Variants in NDRG2 observed in about 807,000 individuals in gnomAD.
The protein encoded by NDRG2 is NDRG family member 2.
NDRG2 carries 34 observed loss-of-function variants against 58.2 expected under a neutral mutation model. The ratio of observed to expected loss-of-function variants is 0.58; its 90% CI spans 0.44 to 0.78. The LOEUF is 0.78. Among genes scored for constraint, NDRG2 ranks in the 30% least tolerant of loss-of-function variants. The pLI is 0.00. For synonymous variants in NDRG2, 187 were observed against 175.9 expected, an observed-to-expected ratio of 1.06 and a Z score of -0.50; for missense variants, 434 against 471.2, an observed-to-expected ratio of 0.92 and a Z score of 0.73.
chr14:21,025,731 T>G (rs903664465), upstream of NDRG2: 12 of 983,602 alleles, frequency 1.2e-5, 1 homozygote, highest in South Asian at 3.8e-4. This position sits in a 1 kb window ranked among gnomAD's most constrained non-coding sequence, Gnocchi z 5.1. Flanking sequence ...CCGGGAGAAG[T>G]TGGACAACAA....
At chr14:21,025,231 G>A (rs1883287049), upstream of NDRG2, 2 of 850,930 alleles carry the variant, frequency 2.4e-6, no homozygotes, top group Non-Finnish European at 2.8e-6. This position sits in a 1 kb window ranked among gnomAD's most constrained non-coding sequence, Gnocchi z 5.1. Context: ...TTGTGCTGGG[G>A]CCGGGGGGCG....
rs1886563544 is a variant in NDRG2, at chr14:21,070,081, G to A, written c.24+747C>T. ...GGAGGGCGGGGCGGAGAAGAAAGAA[G>A]GTTGCCGGTGAACGGGACGGATAGG... On this transcript the variant is annotated intron_variant, in intron 1 of 14. Coordinates refer to the NDRG2 transcript ENST00000403829. The surrounding 1 kb of genome is among the most constrained non-coding windows in gnomAD (Gnocchi z 4.7). Among the ~76,000 whole-genome samples, 1 of 152,078 alleles carries A rather than the reference G, an allele frequency of 6.6e-6. No homozygotes were observed. The highest frequency in any genetic ancestry group is 2.4e-5 in the African/African-American group (1 of 41,420).
At chr14:21,029,057 G>A (rs1191203670), upstream of NDRG2, 2 of 152,310 alleles carry the variant, frequency 1.3e-5, no homozygotes, top group Middle Eastern at 3.4e-3. Flanking sequence ...TTCAGAATCT[G>A]AGCCTCACCC....
intron 1 of NDRG2, chr14:21,043,533 A>T: frequency 9.8e-7 from 1 of 1,023,238 alleles, no homozygotes; most frequent in Non-Finnish European, 1.5e-6. Context: ...ACTCCCCTAC[A>T]CCCAGAGCAT....
In NDRG2 at chr14:21,023,245, G is replaced by GC; in HGVS notation, c.70dup (p.Ala24GlyfsTer5). On this transcript the variant is annotated frameshift_variant, in exon 2 of 16. Transcript: ENST00000556147. LOFTEE classifies it high-confidence loss of function. ...AGTCAAACGGTCTCTAATAACCTTG[G>GC]CCGCCTCAGGCGTCTGTCCTGGCAA... 6.2e-7 allele frequency: 1 copy of GC among 1,613,786 alleles called. No individual in the cohort carries two copies. The highest frequency in any genetic ancestry group is 8.5e-7 in the Non-Finnish European group (1 of 1,179,838).
Position 21,047,844 on chromosome 14 carries a change from A to G in NDRG2, c.24+22984T>C, listed in dbSNP as rs533082307. 3.3e-5 allele frequency among the ~76,000 whole-genome samples: 5 copies of G among 152,084 alleles called. 1 individual carries two copies. In the South Asian group the frequency reaches 1.0e-3, roughly 32 times the overall value. ...ACTGGGGAGGAGACTTTTCTACATG[A>G]CTCTGGTTCCCAGAAGTCTCCACAC... On this transcript the variant is annotated intron_variant, in intron 1 of 14. Transcript: ENST00000403829.
chr14:21,066,543 C>T (rs1886279395), intron 1 of NDRG2, among the ~76,000 whole-genome samples: 1 of 152,150 alleles, frequency 6.6e-6, no homozygotes, highest in South Asian at 2.1e-4. Flanking sequence ...CCCATGTTGG[C>T]CAGGATGGTG....
At chr14:21,066,741 A>T (rs1239276883) in intron 1 of NDRG2, among the ~76,000 whole-genome samples, 3 of 152,260 alleles carry the variant, frequency 2.0e-5, no homozygotes, top group Admixed American at 1.3e-4. Context: ...GTGCTAGCAC[A>T]GGCAAGATGC....
rs958817722 is a variant in NDRG2, at chr14:21,019,170, G to C, written c.717-10C>G. 1 of 1,608,372 alleles carries C rather than the reference G, an allele frequency of 6.2e-7. No homozygotes were observed. ...GTTCAGGTCTCGGCGGCTAGAAAGG[G>C]GTTAAAAGAGTAGGAATTTTAGGTG... On this transcript the variant is annotated splice_polypyrimidine_tract_variant and intron_variant, in intron 10 of 15. Transcript: ENST00000556147.
chr14:21,053,708 G>A (rs1352810934), intron 1 of NDRG2, among the ~76,000 whole-genome samples: 2 of 152,160 alleles, frequency 1.3e-5, no homozygotes, highest in African/African-American at 4.8e-5. Flanking sequence ...GGAGGCTGAC[G>A]TAGGAGGACC....
intron 8 of NDRG2, 179 bp from the exon 9 acceptor site, chr14:21,020,155 G>A (rs916078890): frequency 1.4e-5 from 8 of 585,872 alleles, no homozygotes; most frequent in East Asian, 1.2e-4. Flanking sequence ...TTAGCCAGGC[G>A]TGGTGGCGGG....
chr14:21,021,876 A>G lies in NDRG2; in HGVS notation c.348T>C (p.Tyr116=), dbSNP rs1880589264. ...CAAGCTGGTCCAGAGATGGGTACTG[A>G]TATCTGGAAAAGAGAGGCATGTTAA... ...EEGAPVFPLG[Y]QYPSLDQLAD... The change falls in exon 6 of 16, where the codon TAT becomes TAC. Residue 116 remains tyrosine (Y), a synonymous_variant. Coordinates refer to ENST00000556147, the MANE Select transcript of NDRG2 (RefSeq NM_001320329.2). 5 of 1,612,976 alleles carry G rather than the reference A, an allele frequency of 3.1e-6. No individual in the cohort carries two copies. The highest frequency in any genetic ancestry group is 1.7e-5 in the Admixed American group (1 of 59,836).
At chr14:21,053,936 T>C (rs1885572601) in intron 1 of NDRG2, among the ~76,000 whole-genome samples, 1 of 152,260 alleles carries the variant, frequency 6.6e-6, no homozygotes, top group Non-Finnish European at 1.5e-5. Flanking sequence ...CCCAAGGTCA[T>C]GCAGCTAATT....
At chr14:21,064,188 T>A (rs186362437) in intron 1 of NDRG2, among the ~76,000 whole-genome samples, 1 of 152,330 alleles carries the variant, frequency 6.6e-6, no homozygotes, top group East Asian at 1.9e-4. Flanking sequence ...AGGAGTACAT[T>A]TCTACAAATC....
intron 3 of NDRG2, 106 bp from the exon 4 acceptor site, chr14:21,022,603 G>T: frequency 1.2e-6 from 1 of 803,738 alleles, no homozygotes; most frequent in Non-Finnish European, 2.0e-6. Flanking sequence ...GAGGGAAAAG[G>T]GAACAAAGAA....
intron 1 of NDRG2, chr14:21,032,353 G>A (rs1338536163): frequency 1.9e-6 from 1 of 540,026 alleles, no homozygotes; most frequent in African/African-American, 1.9e-5. Flanking sequence ...GAATATATTT[G>A]GAGTAAAGAG....
chr14:21,023,243 T>C lies in NDRG2; in HGVS notation c.73A>G (p.Lys25Glu). Reference sequence around the variant, plus strand: ...GGAGTCAAACGGTCTCTAATAACCTTGGCCGCCTCAGGCGTCTGTCCTGGC... The same window carrying C: ...GGAGTCAAACGGTCTCTAATAACCTCGGCCGCCTCAGGCGTCTGTCCTGGC... ...LLPGQTPEAAKEAELAARILL... is the reference protein window; with the variant it reads ...LLPGQTPEAAEEAELAARILL... The change falls in exon 2 of 16, where the codon AAG (lysine) becomes GAG (glutamate). Residue 25 changes from lysine (K) to glutamate (E), a missense_variant and splice_region_variant. Transcript: ENST00000556147. 1 of 1,613,828 alleles carries C rather than the reference T, an allele frequency of 6.2e-7. No individual in the cohort carries two copies. Among genetic ancestry groups the C allele is most frequent in the Non-Finnish European group, 8.5e-7 (1 of 1,179,838 alleles).
chr14:21,070,398 T>C lies in NDRG2; in HGVS notation c.24+430A>G. ...TCGGACGCGGCCCGGCGCCGAGCCA[T>C]GGTGAGTCCAGCGTCGCAGCCCCCT... On this transcript the variant is annotated intron_variant, in intron 1 of 14. Transcript: ENST00000403829. The surrounding 1 kb of genome is among the most constrained non-coding windows in gnomAD (Gnocchi z 4.7). 2 of 1,415,812 alleles carry C rather than the reference T, an allele frequency of 1.4e-6. No homozygotes were observed. The highest frequency in any genetic ancestry group is 1.8e-6 in the Non-Finnish European group (2 of 1,093,526). 87.7% of individuals were successfully genotyped at this position (1,415,812 alleles called of 1,614,324 possible).
Position 21,022,008 on chromosome 14 carries a change from C to A in NDRG2, c.344+54G>T. On this transcript the variant is annotated intron_variant, in intron 5 of 15. Transcript: ENST00000556147. ...TCCTCCTCCCCAGTCGAACCTTTCC[C>A]GCACCTGTCCTGTTCCTCACAGTCT... is the stretch of plus-strand genomic sequence containing the variant. 3.7e-6 allele frequency: 6 copies of A among 1,613,304 alleles called. No homozygotes were observed. In the Admixed American group the frequency reaches 8.3e-5, roughly 22 times the overall value.
Sources: gnomAD v4.1 joint callset for allele counts (sites outside exome capture counted in the v4.1 genomes callset) on GRCh38, gnomAD v4.1.1 for gene constraint, Gnocchi (gnomAD v3.1) non-coding constraint, MANE v1.5 for transcripts, NCBI Gene and HGNC (gene_info 2026-07-23, HGNC 2026-07-21) for gene names.